SUCLA2: variants seen among roughly 807,000 people sequenced by gnomAD.
SUCLA2 encodes succinate--CoA ligase [ADP-forming] subunit beta, mitochondrial.
A neutral mutation model predicts 54.8 loss-of-function variants in SUCLA2; 30 were observed. The observed-to-expected ratio is 0.55, with a 90% CI of 0.41 to 0.74. The LOEUF is 0.74. Among genes scored for constraint, SUCLA2 ranks in the 30% least tolerant of loss-of-function variants. SUCLA2 has a pLI of 0.00. For synonymous variants in SUCLA2, 172 were observed against 188.9 expected (o/e 0.91, Z 0.74); for missense variants, 476 against 562.9 (o/e 0.85, Z 1.56).
intron 10 of SUCLA2, among the ~76,000 whole-genome samples, chr13:47,947,558 C>T (rs530755153): frequency 1.3e-5 from 2 of 152,264 alleles, no homozygotes; most frequent in African/African-American, 4.8e-5. Context: ...CGCTTTGCAA[C>T]ACAAACAAAA....
rs761325971 is a variant in SUCLA2 at position 47,997,073 on chromosome 13, T to A, written c.91-50A>T. 7 of 1,595,366 alleles carry A rather than the reference T, an allele frequency of 4.4e-6. No homozygotes were observed. The Admixed American group carries it at 8.3e-5, about 19-fold the overall frequency. ...TATATGACAGTGATTTGGCAGTCAC[T>A]CTTGCTAACTACTTGGTTCTTCATA... On this transcript the variant is annotated intron_variant, in intron 1 of 10. Transcript: ENST00000646932.
At position 47,996,932 on chromosome 13, in the gene SUCLA2, A is replaced by G. The variant is rs1384188576; in HGVS notation, c.182T>C (p.Met61Thr). Residue 61 changes from methionine to threonine, a missense_variant, in exon 2 of 11, where the codon ATG (methionine) becomes ACG (threonine). Physicochemically the swap from Met to Thr is moderately conservative, Grantham distance 81. Coordinates refer to ENST00000646932, the MANE Select transcript of SUCLA2 (RefSeq NM_003850.3). Reference protein sequence around the residue: ...RNLSLHEYMSMELLQEAGVSV... With the variant: ...RNLSLHEYMSTELLQEAGVSV... The stretch of plus-strand genomic sequence containing the variant: ...GACACCAGCTTCTTGCAATAATTCC[A>G]TACTCATGTATTCATGTAGTGAGAG... 1 of 1,613,968 alleles carries G rather than the reference A, an allele frequency of 6.2e-7. No individual in the cohort carries two copies. Among genetic ancestry groups the G allele is most frequent in the Non-Finnish European group, 8.5e-7 (1 of 1,179,992 alleles).
At chr13:47,993,397 G>C (rs1270272429) in intron 2 of SUCLA2, among the ~76,000 whole-genome samples, 1 of 152,146 alleles carries the variant, frequency 6.6e-6, no homozygotes, top group Non-Finnish European at 1.5e-5. Context: ...GAAACTTCAT[G>C]ATCTTCAAGC....
intron 4 of SUCLA2, among the ~76,000 whole-genome samples, chr13:47,987,128 T>C (rs1463768252): frequency 1.3e-5 from 2 of 152,218 alleles, no homozygotes; most frequent in Non-Finnish European, 2.9e-5. Flanking sequence ...CATTTTATCC[T>C]CAACAAGACC....
intron 5 of SUCLA2, among the ~76,000 whole-genome samples, chr13:47,971,089 C>T (rs1015214780): frequency 6.6e-6 from 1 of 151,758 alleles, no homozygotes; most frequent in African/African-American, 2.4e-5. Context: ...TGTTTAACTT[C>T]GAAGTCCAAT....
intron 10 of SUCLA2, among the ~76,000 whole-genome samples, chr13:47,943,782 T>TATATATAAA (rs879679737): frequency 1.7e-5 from 2 of 118,818 alleles, no homozygotes; most frequent in South Asian, 5.8e-4. Context: ...ATATATATAT[T>TATATATAAA]ATTCTAAATT....
intron 4 of SUCLA2, among the ~76,000 whole-genome samples, chr13:47,975,187 G>T (rs1274563353): frequency 1.4e-5 from 2 of 146,730 alleles, no homozygotes; most frequent in African/African-American, 5.1e-5. Flanking sequence ...TTTATCTGGA[G>T]TGTCGTTCTG....
intron 1 of SUCLA2, among the ~76,000 whole-genome samples, chr13:47,999,700 C>A (rs1306110852): frequency 8.5e-6 from 1 of 117,540 alleles, no homozygotes; most frequent in Non-Finnish European, 1.7e-5. Flanking sequence ...GAGCAAGACT[C>A]CGTCTCAAGG....
intron 2 of SUCLA2, among the ~76,000 whole-genome samples, chr13:47,993,292 G>A (rs186305625): frequency 6.6e-6 from 1 of 152,138 alleles, no homozygotes; most frequent in Non-Finnish European, 1.5e-5. Flanking sequence ...CTTGAACTAT[G>A]AACTGTTAGA....
chr13:47,944,305 T>C (rs1337311078), intron 10 of SUCLA2, among the ~76,000 whole-genome samples: 1 of 152,204 alleles, frequency 6.6e-6, no homozygotes, highest in Admixed American at 6.5e-5. Flanking sequence ...TAAACAGTAG[T>C]AACTGCTAAT....
At chr13:47,948,899 T>C in intron 10 of SUCLA2, 41 bp downstream of exon 10, 1 of 1,563,064 alleles carries the variant, frequency 6.4e-7, no homozygotes, top group Non-Finnish European at 8.8e-7. Flanking sequence ...TTTTAGAATC[T>C]GTGTTTATAA....
At chr13:47,986,540 T>C (rs531629523) in intron 4 of SUCLA2, among the ~76,000 whole-genome samples, 51 of 152,352 alleles carry the variant, frequency 3.3e-4, no homozygotes, top group Middle Eastern at 3.4e-3. Context: ...AGAAGCTCTT[T>C]AGCTTAATTA....
At position 47,943,088 on chromosome 13, in the gene SUCLA2, A is replaced by G. The variant is rs1949698556; in HGVS notation, c.*283T>C. ...CTTATCAATGAAGAACTTTGTATCC[A>G]ACAATAATAAACTGGCAAATTGCAA... On this transcript the variant is annotated 3_prime_UTR_variant, in exon 11 of 11. Coordinates refer to ENST00000646932, the MANE Select transcript of SUCLA2 (RefSeq NM_003850.3). 1 of 403,460 alleles carries G rather than the reference A, an allele frequency of 2.5e-6. No homozygotes were observed. The highest frequency in any genetic ancestry group is 4.1e-5 in the Admixed American group (1 of 24,420). 25.0% of individuals were successfully genotyped at this position (403,460 alleles called of 1,614,324 possible).
chr13:48,001,083 T>C, intron 1 of SUCLA2, 97 bp downstream of exon 1: 1 of 1,529,576 alleles, frequency 6.5e-7, no homozygotes, highest in Non-Finnish European at 8.8e-7. Context: ...AAAATGTCAC[T>C]GCCGGCGAAG....
chr13:47,994,749 C>G (rs1950177662), intron 2 of SUCLA2: 1 of 808,968 alleles, frequency 1.2e-6, no homozygotes. Context: ...AACACACTTT[C>G]TAAATGAACA....
At chr13:47,963,560 G>A (rs950891591) in intron 6 of SUCLA2, among the ~76,000 whole-genome samples, 3 of 152,066 alleles carry the variant, frequency 2.0e-5, no homozygotes, top group Admixed American at 1.3e-4. Flanking sequence ...CAGGAGAATC[G>A]CCTGAACCCG....
intron 2 of SUCLA2, 42 bp from the exon 3 acceptor site, chr13:47,989,023 G>C: frequency 6.5e-7 from 1 of 1,548,328 alleles, no homozygotes; most frequent in Non-Finnish European, 8.9e-7. Context: ...GCATGGAGCA[G>C]CATGCCAGAC....
intron 1 of SUCLA2, chr13:48,000,908 T>A: frequency 1.5e-6 from 2 of 1,350,860 alleles, no homozygotes; most frequent in Non-Finnish European, 1.9e-6. Context: ...AGAGCCCACC[T>A]GCTCCCGCCC....
intron 10 of SUCLA2, among the ~76,000 whole-genome samples, chr13:47,948,187 T>G (rs1434069080): frequency 3.9e-5 from 6 of 152,126 alleles, no homozygotes; most frequent in African/African-American, 1.4e-4. Flanking sequence ...TGGGAGGAAG[T>G]AAGAATACAG....
Sources: allele counts gnomAD v4.1 joint callset (sites outside exome capture counted in the v4.1 genomes callset), GRCh38; gene constraint gnomAD v4.1.1; transcripts MANE v1.5; gene names NCBI Gene and HGNC (gene_info 2026-07-23, HGNC 2026-07-21).